The following MYO18B variants were observed in gnomAD, a reference collection of about 807,000 sequenced individuals.
The protein encoded by MYO18B is unconventional myosin-XVIIIb.
In MYO18B, 204 loss-of-function variants were observed where a neutral mutation model predicts 273.0. That is an observed-to-expected ratio of 0.75 (90% CI 0.67 to 0.84). The LOEUF (loss-of-function observed/expected upper bound fraction) is 0.84. Among genes scored for constraint, MYO18B ranks in the 40% least tolerant of loss-of-function variants. The pLI is 0.00. For synonymous variants in MYO18B, 1,330 were observed against 1,305.7 expected (o/e 1.02, Z -0.40); for missense variants, 3,212 against 3,287.6 (o/e 0.98, Z 0.56).
intron 20 of MYO18B, among the ~76,000 whole-genome samples, chr22:25,847,948 TAC>T (rs59375568): frequency 0.017 from 2,422 of 146,026 alleles, 22 homozygotes; most frequent in Non-Finnish European, 0.021. Flanking sequence ...CACACACACA[TAC>T]ACACACACAC....
At chr22:26,059,764 A>G in the MYO18B span, among the ~76,000 whole-genome samples, 1 of 152,198 alleles carries the variant, frequency 6.6e-6, no homozygotes, top group East Asian at 1.9e-4. Flanking sequence ...TCAGCCCTTG[A>G]CTTGTGGTTA....
intron 34 of MYO18B, among the ~76,000 whole-genome samples, chr22:25,930,673 T>C (rs768665824): frequency 5.3e-5 from 8 of 151,978 alleles, no homozygotes; most frequent in Non-Finnish European, 1.2e-4. Context: ...AAAGTTTCTC[T>C]GTGTCGCCCA....
At chr22:25,908,505 C>T (rs572061750) in intron 32 of MYO18B, 73 bp downstream of exon 32, 23 of 1,278,990 alleles carry the variant, frequency 1.8e-5, no homozygotes, top group Admixed American at 8.0e-5. Flanking sequence ...TTCCTTAGAG[C>T]GAGGAGTAGG....
At position 25,785,463 on chromosome 22, in the gene MYO18B, G is replaced by A. The variant is rs1320969220; in HGVS notation, c.2348G>A (p.Ser783Asn). Residue 783 changes from serine (S) to asparagine (N), a missense_variant, in exon 11 of 44, where the codon AGC becomes AAC. Coordinates refer to ENST00000335473, the MANE Select transcript of MYO18B (RefSeq NM_032608.7). ...AACCTGCACCAGATGGCAGATAGCA[G>A]CTCCTTTGGCATGGGCGTGTGGTCC... ...ELNLHQMADS[S>N]SFGMGVWSKP... The A allele has an allele frequency of 1.2e-6, 2 of 1,612,262 alleles. No individual in the cohort carries two copies. Among genetic ancestry groups the A allele is most frequent in the South Asian group, 1.1e-5 (1 of 90,408 alleles).
chr22:25,858,715 T>C (rs2090645445), intron 21 of MYO18B, among the ~76,000 whole-genome samples: 1 of 152,234 alleles, frequency 6.6e-6, no homozygotes, highest in African/African-American at 2.4e-5. Flanking sequence ...TATCGGAATT[T>C]TCCTACTTAA....
chr22:25,965,683 G>A (rs2092970019), intron 39 of MYO18B, among the ~76,000 whole-genome samples: 1 of 152,184 alleles, frequency 6.6e-6, no homozygotes, highest in African/African-American at 2.4e-5. Context: ...AGAGCAAAAC[G>A]TTAGCAAAAT....
At chr22:25,950,545 T>TGTGTGTGTGTGTGTGTGTGTGTGTGTGG in intron 37 of MYO18B, 95 bp downstream of exon 37, 1 of 747,316 alleles carries the variant, frequency 1.3e-6, no homozygotes, top group Non-Finnish European at 2.1e-6. Context: ...TGTGTGTGTG[T>TGTGTGTGTGTGTGTGTGTGTGTGTGTGG]GTGTGTATGA....
At chr22:25,849,910 T>C (rs1324345541) in intron 20 of MYO18B, among the ~76,000 whole-genome samples, 4 of 152,242 alleles carry the variant, frequency 2.6e-5, no homozygotes, top group African/African-American at 9.6e-5. Flanking sequence ...ATAGTGACCA[T>C]GTGAAGATAG....
At chr22:25,770,026 C>A in intron 4 of MYO18B, 84 bp from the exon 5 acceptor site, 1 of 1,368,610 alleles carries the variant, frequency 7.3e-7, no homozygotes, top group Non-Finnish European at 1.0e-6. Flanking sequence ...GGCTCCAGAG[C>A]ACACTGTGAG....
intron 22 of MYO18B, among the ~76,000 whole-genome samples, chr22:25,870,001 C>G (rs2091003835): frequency 6.6e-6 from 1 of 152,202 alleles, no homozygotes; most frequent in South Asian, 2.1e-4. Flanking sequence ...TTTTGTTCTT[C>G]TTTGTTCCTC....
rs765660821 is a variant in MYO18B at position 25,769,927 on chromosome 22, G to A, written c.1513-183G>A. ...CTAGATGGTGCAGTGGTGTGATCTC[G>A]GCTCCACCTCCCGGGTCCGCAACGG... On this transcript the variant is annotated intron_variant, in intron 4 of 43. Transcript: ENST00000335473. 96 of 626,030 alleles carry A rather than the reference G, an allele frequency of 1.5e-4. 3 individuals are homozygous for A. The highest frequency in any genetic ancestry group is 5.0e-5 in the Non-Finnish European group (17 of 343,006). 38.8% of individuals were successfully genotyped at this position (626,030 alleles called of 1,614,324 possible).
intron 8 of MYO18B, 114 bp from the exon 9 acceptor site, chr22:25,779,942 G>A: frequency 7.3e-7 from 1 of 1,360,726 alleles, no homozygotes; most frequent in Non-Finnish European, 9.7e-7. Flanking sequence ...CGGGGGCTGA[G>A]GCCAGGATGG....
intron 32 of MYO18B, among the ~76,000 whole-genome samples, chr22:25,910,177 A>G (rs2092128275): frequency 6.6e-6 from 1 of 152,186 alleles, no homozygotes; most frequent in African/African-American, 2.4e-5. Flanking sequence ...GCAGAATATT[A>G]TTGTCTAGGT....
intron 16 of MYO18B, 23 bp from the exon 17 acceptor site, chr22:25,835,273 G>T (rs1232819893): frequency 1.9e-6 from 3 of 1,610,158 alleles, no homozygotes; most frequent in Non-Finnish European, 2.5e-6. Flanking sequence ...GGGCCCTTCA[G>T]TGAATCCTGG....
rs931383672 is a variant in MYO18B at position 26,027,599 on chromosome 22, C to T, written c.7625C>T (p.Ser2542Phe). Residue 2542 changes from serine to phenylalanine, a missense_variant, in exon 43 of 44, where the codon TCC becomes TTC. Ser to Phe is a radical substitution (Grantham distance 155). Coordinates refer to ENST00000335473, the MANE Select transcript of MYO18B (RefSeq NM_032608.7). The surrounding 1 kb of genome is among the most constrained non-coding windows in gnomAD (Gnocchi z 4.1). ...GCGGGTGACGGTGGCGAGCGAACGT[C>T]CCCCGAGCGGAGAGAGCCAGGGACG... ...RLAGDGGERT[S>F]PERREPGTGR... The T allele has an allele frequency of 3.7e-6, 6 of 1,613,904 alleles. No homozygotes were observed. In the African/African-American group the frequency reaches 5.3e-5, roughly 14 times the overall value.
At chr22:25,997,965 ACACACACACACAC>A in intron 40 of MYO18B, among the ~76,000 whole-genome samples, 1 of 130,852 alleles carries the variant, frequency 7.6e-6, no homozygotes, top group African/African-American at 2.9e-5. Context: ...ACAAACACAC[ACACACACACACAC>A]GAGAGAGAGA....
In MYO18B at chr22:25,823,496, C is replaced by T; in HGVS notation, c.2522-9C>T. On this transcript the variant is annotated splice_polypyrimidine_tract_variant and intron_variant, in intron 12 of 43. Coordinates refer to ENST00000335473, the MANE Select transcript of MYO18B (RefSeq NM_032608.7). ...TCACTGCCACGCCTCTGTTTTGTCCCCTTTGCAGTGGGTCGGAAGCAGTTC... is the reference window on the plus strand; with the variant it reads ...TCACTGCCACGCCTCTGTTTTGTCCTCTTTGCAGTGGGTCGGAAGCAGTTC... 6.2e-7 allele frequency: 1 copy of T among 1,613,504 alleles called. No individual in the cohort carries two copies. The highest frequency in any genetic ancestry group is 2.2e-5 in the East Asian group (1 of 44,836).
At chr22:25,975,885 T>C (rs1215677594) in intron 39 of MYO18B, among the ~76,000 whole-genome samples, 1 of 152,182 alleles carries the variant, frequency 6.6e-6, no homozygotes, top group East Asian at 1.9e-4. Flanking sequence ...CCCAAAGTTA[T>C]GAAAGGGTGA....
rs569711775 is a variant in MYO18B, at chr22:25,988,076, G to A, written c.6157-4287G>A. ...AGCCCTGAGCCAAGCCCGAGCAAGC[G>A]TGATTGTCAGATGCTGTCGTTGCCT... is the stretch of plus-strand genomic sequence containing the variant. On this transcript the variant is annotated intron_variant, in intron 39 of 43. Transcript: ENST00000335473. Among the ~76,000 whole-genome samples, 132 of 152,088 alleles carry A rather than the reference G, an allele frequency of 8.7e-4. No individual in the cohort carries two copies. The South Asian group carries it at 0.011, about 12-fold the overall frequency.
Sources: allele counts gnomAD v4.1 joint callset (sites outside exome capture counted in the v4.1 genomes callset), GRCh38; gene constraint gnomAD v4.1.1; non-coding constraint Gnocchi (gnomAD v3.1); transcripts MANE v1.5; gene names NCBI Gene and HGNC (gene_info 2026-07-23, HGNC 2026-07-21).